Variants in SDE2 observed in about 807,000 individuals in gnomAD.
SDE2 encodes spliceosome associated SDE2, also known as splicing regulator SDE2.
SDE2 carries 31 observed loss-of-function variants against 46.9 expected under a neutral mutation model. The observed-to-expected ratio is 0.66, with a 90% CI of 0.50 to 0.89. SDE2 has a LOEUF of 0.89. SDE2 is among the 40% of genes least tolerant of loss of function. The probability of loss-of-function intolerance (pLI) is 0.00; values close to 1 mark genes in which losing one functional copy is unlikely to be tolerated. For missense variants in SDE2, 542 were observed against 564.4 expected (o/e 0.96, Z 0.40); for synonymous variants, 205 against 204.3 (o/e 1.00, Z -0.03).
Position 225,999,256 on chromosome 1 carries a change from C to A in SDE2, c.57G>T (p.Ala19=). 1 of 1,613,348 alleles carries A rather than the reference C, an allele frequency of 6.2e-7. No homozygotes were observed. The highest frequency in any genetic ancestry group is 1.1e-5 in the South Asian group (1 of 91,006). ...TGCACCGACCCGAGGCACACCGCAC[C>A]GCCTTGCACCCGAAGCCAGGGCCGC... ...WIRGPGFGCK[A]VRCASGRCTV... Residue 19 remains alanine, a synonymous_variant, in exon 1 of 7, where the codon GCG becomes GCT. Coordinates refer to ENST00000272091, the MANE Select transcript of SDE2 (RefSeq NM_152608.4).
intron 1 of SDE2, among the ~76,000 whole-genome samples, chr1:225,997,121 T>G (rs1558086101): frequency 6.6e-6 from 1 of 152,206 alleles, no homozygotes; most frequent in Non-Finnish European, 1.5e-5. Flanking sequence ...CACCATTTCC[T>G]GTTAACTCTG....
rs751647285 is a variant in SDE2 at position 225,988,248 on chromosome 1, T to C, written c.782A>G (p.Lys261Arg). The change falls in exon 6 of 7, where the codon AAA becomes AGA. Residue 261 changes from lysine to arginine, a missense_variant. Transcript: ENST00000272091. ...CGCCCTCTGAGAACCACTGGGAAAT[T>C]TGGCTGCCATCTCGACACCATTGCT... ...IGSNGVEMAAKFPSGSQRARV... is the reference protein window; with the variant it reads ...IGSNGVEMAARFPSGSQRARV... 99 of 1,614,082 alleles carry C rather than the reference T, an allele frequency of 6.1e-5. No homozygotes were observed. The highest frequency in any genetic ancestry group is 8.2e-5 in the Non-Finnish European group (97 of 1,180,040).
chr1:225,988,181 C>T lies in SDE2; in HGVS notation c.849G>A (p.Gln283=), dbSNP rs775028741. 46 of 1,614,068 alleles carry T rather than the reference C, an allele frequency of 2.8e-5. No homozygotes were observed. Among genetic ancestry groups the T allele is most frequent in the Non-Finnish European group, 3.8e-5 (45 of 1,180,024 alleles). The part of the protein sequence containing the change: ...NTDHGSPEQL[Q]IPVTDSGRHI... Reference sequence around the variant, plus strand: ...GCCTCCCAGAGTCAGTCACCGGGATCTGCAGTTGTTCTGGTGATCCATGGT... The same window carrying T: ...GCCTCCCAGAGTCAGTCACCGGGATTTGCAGTTGTTCTGGTGATCCATGGT... Residue 283 remains glutamine, a synonymous_variant, in exon 6 of 7, where the codon CAG becomes CAA. Transcript: ENST00000272091.
chr1:225,995,312 A>G lies in SDE2; in HGVS notation c.192T>C (p.His64=). ...TGGGTTCCAAACTATAAACAGCTCC[A>G]TGCTGCACTGTGTCACTGGTGTTAA... ...ALINTSDTVQ[H]GAVYSLEPRL... is the part of the protein sequence containing the mutation. Residue 64 remains histidine, a synonymous_variant, in exon 2 of 7, where the codon CAT becomes CAC. Transcript: ENST00000272091. 1.9e-6 allele frequency: 3 copies of G among 1,612,098 alleles called. No homozygotes were observed. The highest frequency in any genetic ancestry group is 2.5e-6 in the Non-Finnish European group (3 of 1,178,248).
At chr1:225,995,152 GT>G in intron 2 of SDE2, 113 bp downstream of exon 2, 2 of 628,400 alleles carry the variant, frequency 3.2e-6, no homozygotes, top group Non-Finnish European at 5.8e-6. Flanking sequence ...GACTAAGAAG[GT>G]TGTTAATTTA....
chr1:225,991,456 A>G, intron 4 of SDE2, 93 bp from the exon 5 acceptor site: 4 of 903,832 alleles, frequency 4.4e-6, no homozygotes, highest in Non-Finnish European at 6.8e-6. Context: ...GCTGCAATCT[A>G]CAGCTCCAGA....
In SDE2 at chr1:225,988,113, T is replaced by C. The variant is rs993511554; in HGVS notation, c.917A>G (p.Glu306Gly). 1.5e-5 allele frequency: 25 copies of C among 1,614,088 alleles called. No individual in the cohort carries two copies. The highest frequency in any genetic ancestry group is 2.1e-5 in the Non-Finnish European group (25 of 1,180,046). ...DSCAELGESK[E>G]HMESRMVTET... The stretch of plus-strand genomic sequence containing the variant: ...TGTAACCATCCTGCTTTCCATGTGC[T>C]CTTTGGACTCCCCCAGCTCAGCACA... Residue 306 changes from glutamate (E) to glycine (G), a missense_variant, in exon 6 of 7, where the codon GAG becomes GGG. Glu to Gly is a moderately conservative substitution (Grantham distance 98). This residue lies in a region of SDE2 where 401 missense variants were observed against 437.8 expected (regional missense o/e 0.92). Coordinates refer to ENST00000272091, the MANE Select transcript of SDE2 (RefSeq NM_152608.4).
chr1:225,989,692 T>C (rs1318764976), intron 5 of SDE2, among the ~76,000 whole-genome samples: 1 of 146,520 alleles, frequency 6.8e-6, no homozygotes, highest in Non-Finnish European at 1.5e-5. Context: ...GGTGAAAAAA[T>C]ATATAAAGAA....
At chr1:225,989,654 T>G (rs1576174705) in intron 5 of SDE2, among the ~76,000 whole-genome samples, 1 of 149,200 alleles carries the variant, frequency 6.7e-6, no homozygotes, top group East Asian at 2.0e-4. Context: ...AGAAGGAAAA[T>G]TATTCGGTGC....
Position 225,987,924 on chromosome 1 carries a change from T to C in SDE2, c.1106A>G (p.Lys369Arg), listed in dbSNP as rs1295133629. ...PEERENVAVA[K>R]LQESQPGNAV... is the part of the protein sequence containing the mutation. ...GTTTCCTGGCTGGCTTTCCTGCAGT[T>C]TGGCAACGGCAACGTTTTCCCTTTC... Residue 369 changes from lysine to arginine, a missense_variant, in exon 6 of 7, where the codon AAA becomes AGA. Physicochemically the swap from Lys to Arg is conservative, Grantham distance 26. This residue lies in a region of SDE2 where 401 missense variants were observed against 437.8 expected (regional missense o/e 0.92). Coordinates refer to ENST00000272091, the MANE Select transcript of SDE2 (RefSeq NM_152608.4). The C allele has an allele frequency of 1.4e-5, 22 of 1,612,618 alleles. No individual in the cohort carries two copies. Among genetic ancestry groups the C allele is most frequent in the Non-Finnish European group, 1.8e-5 (21 of 1,179,660 alleles).
In SDE2 at chr1:225,987,877, A is replaced by G. The variant is rs1207087929; in HGVS notation, c.1134+19T>C. ...TTAAACTGATTTGGCTCTAGGTATC[A>G]ACCCCAAAACATACTTACTGCGTTT... On this transcript the variant is annotated intron_variant, in intron 6 of 6. Transcript: ENST00000272091. The G allele has an allele frequency of 6.3e-7, 1 of 1,592,182 alleles. No homozygotes were observed. The highest frequency in any genetic ancestry group is 1.8e-5 in the Admixed American group (1 of 55,060).
chr1:225,985,202 T>A lies in SDE2; in HGVS notation c.*100A>T, dbSNP rs1023062614. On this transcript the variant is annotated 3_prime_UTR_variant, in exon 7 of 7. Coordinates refer to ENST00000272091, the MANE Select transcript of SDE2 (RefSeq NM_152608.4). ...TAGTTAGAATTGGGTTACTAAAAAG[T>A]TAGCTTTTAATATCAACAGGAATAC... is the stretch of plus-strand genomic sequence containing the variant. 5 of 893,862 alleles carry A rather than the reference T, an allele frequency of 5.6e-6. No homozygotes were observed. The South Asian group carries it at 6.1e-5, about 11-fold the overall frequency. The allele number at this position is 893,862 out of a possible 1,614,324, so 55.4% of individuals were successfully genotyped here.
intron 2 of SDE2, among the ~76,000 whole-genome samples, chr1:225,993,749 T>A (rs1411103157): frequency 6.6e-6 from 1 of 152,138 alleles, no homozygotes; most frequent in African/African-American, 2.4e-5. Context: ...TGATATAACA[T>A]GCTTCATTCA....
chr1:225,992,801 A>G, intron 3 of SDE2, 90 bp downstream of exon 3: 1 of 743,778 alleles, frequency 1.3e-6, no homozygotes. Context: ...TTAAGTTTCC[A>G]TTTCCAATAT....
intron 2 of SDE2, 48 bp downstream of exon 2, chr1:225,995,218 A>G (rs1444659776): frequency 1.1e-6 from 1 of 924,398 alleles, no homozygotes; most frequent in Non-Finnish European, 1.8e-6. Context: ...ATAAATGAAT[A>G]AAGACTGCAA....
intron 5 of SDE2, 92 bp downstream of exon 5, chr1:225,991,151 T>G (rs1367280394): frequency 7.5e-7 from 1 of 1,331,208 alleles, no homozygotes; most frequent in African/African-American, 1.4e-5. Context: ...CACCAAACAC[T>G]ACACAAAAAT....
intron 5 of SDE2, among the ~76,000 whole-genome samples, chr1:225,990,844 C>G (rs531704561): frequency 6.6e-6 from 1 of 151,984 alleles, no homozygotes; most frequent in South Asian, 2.1e-4. Context: ...CCCTCAAGTG[C>G]GAAAGTGGTG....
chr1:225,987,794 T>G, intron 6 of SDE2, 102 bp downstream of exon 6: 1 of 1,075,488 alleles, frequency 9.3e-7, no homozygotes, highest in Admixed American at 2.3e-5. Flanking sequence ...AAATAAGCCT[T>G]TCACTAAGCA....
chr1:225,997,272 C>T (rs1451120270), intron 1 of SDE2, among the ~76,000 whole-genome samples: 1 of 152,116 alleles, frequency 6.6e-6, no homozygotes, highest in Non-Finnish European at 1.5e-5. Context: ...ACACTAACTT[C>T]ATCATGTCTC....
Sources: gnomAD v4.1 joint callset for allele counts (sites outside exome capture counted in the v4.1 genomes callset) on GRCh38, gnomAD v4.1.1 for gene constraint, gnomAD v4.1.1 regional missense constraint, MANE v1.5 for transcripts, NCBI Gene and HGNC (gene_info 2026-07-23, HGNC 2026-07-21) for gene names.